Variants in RYR2 observed in about 807,000 individuals in gnomAD.
The protein encoded by RYR2 is cardiac muscle ryanodine receptor-calcium release channel.
In RYR2, 227 loss-of-function variants were observed where a neutral mutation model predicts 601.1. That is an observed-to-expected ratio of 0.38 (90% CI 0.34 to 0.42). RYR2 has a LOEUF of 0.42. RYR2 is among the 10% of genes least tolerant of loss of function. RYR2 has a pLI of 1.00. For synonymous variants in RYR2, 2,223 were observed against 2,175.1 expected (o/e 1.02, Z -0.61); for missense variants, 4,646 against 6,156.5 (o/e 0.75, Z 8.21).
At position 237,781,656 on chromosome 1, in the gene RYR2, AT is replaced by A. The variant is rs1338516518; in HGVS notation, c.11962+13del. 6.2e-6 allele frequency: 9 copies of A among 1,449,312 alleles called. No individual in the cohort carries two copies. The highest frequency in any genetic ancestry group is 8.6e-6 in the Non-Finnish European group (9 of 1,045,024). 89.8% of individuals were successfully genotyped at this position (1,449,312 alleles called of 1,614,324 possible). On this transcript the variant is annotated intron_variant, in intron 89 of 104. Coordinates refer to ENST00000366574, the MANE Select transcript of RYR2 (RefSeq NM_001035.3). ...CTGTCCATGTTAGAAGGTAGTTTTG[AT>A]TTATACTTTTAAATTCTCTTTATTA...
At chr1:237,566,841 T>C in intron 28 of RYR2, 66 bp downstream of exon 28, 1 of 1,507,110 alleles carries the variant, frequency 6.6e-7, no homozygotes, top group South Asian at 1.1e-5. Context: ...CTGCTGTTCC[T>C]CTTGGTAGCT....
At chr1:237,151,254 C>T (rs919358793) in intron 1 of RYR2, among the ~76,000 whole-genome samples, 5 of 152,092 alleles carry the variant, frequency 3.3e-5, no homozygotes, top group South Asian at 2.1e-4. Context: ...ATGCTTCTCC[C>T]GAAGGGCATT....
chr1:237,320,917 C>CTG (rs758838364), intron 2 of RYR2, among the ~76,000 whole-genome samples: 17 of 150,504 alleles, frequency 1.1e-4, no homozygotes, highest in Admixed American at 2.0e-4. Flanking sequence ...TCCATTCTCT[C>CTG]TGTGTGTGTG....
chr1:237,663,531 G>A (rs1334300437), intron 56 of RYR2, among the ~76,000 whole-genome samples: 1 of 152,270 alleles, frequency 6.6e-6, no homozygotes, highest in East Asian at 1.9e-4. Context: ...TGACATTCTG[G>A]TCTCACCCAT....
chr1:237,371,326 T>G (rs1481585974), intron 6 of RYR2, among the ~76,000 whole-genome samples: 1 of 152,114 alleles, frequency 6.6e-6, no homozygotes, highest in East Asian at 1.9e-4. Context: ...TGGCTAATTT[T>G]TAAATTTATT....
At chr1:237,177,439 A>G (rs1678179165) in intron 1 of RYR2, among the ~76,000 whole-genome samples, 1 of 152,160 alleles carries the variant, frequency 6.6e-6, no homozygotes, top group South Asian at 2.1e-4. Context: ...CCAACTGATA[A>G]TTCCTATCCT....
In RYR2 at chr1:237,759,909, A is replaced by G. The variant is rs944607094; in HGVS notation, c.11402+57A>G. 7.3e-5 allele frequency: 80 copies of G among 1,096,210 alleles called. 1 individual carries two copies. The South Asian group carries it at 1.0e-3, about 14-fold the overall frequency. 67.9% of individuals were successfully genotyped at this position (1,096,210 alleles called of 1,614,324 possible). A position where few individuals can be genotyped will look rare whatever the true frequency, so the allele number is the denominator to read the frequency against. The stretch of plus-strand genomic sequence containing the variant: ...CTCAGTGGTTGTATTTTTTCGAAGC[A>G]TTTGTTTCTTACTCTGACGATAATT... On this transcript the variant is annotated intron_variant, in intron 83 of 104. Coordinates refer to ENST00000366574, the MANE Select transcript of RYR2 (RefSeq NM_001035.3).
chr1:237,595,938 T>C (rs1675849764), intron 34 of RYR2, among the ~76,000 whole-genome samples: 1 of 151,988 alleles, frequency 6.6e-6, no homozygotes, highest in Admixed American at 6.6e-5. Flanking sequence ...CAGATGCTGC[T>C]GACATAAATT....
chr1:237,539,090 A>G (rs1165703187), intron 25 of RYR2, among the ~76,000 whole-genome samples: 1 of 152,234 alleles, frequency 6.6e-6, no homozygotes, highest in African/African-American at 2.4e-5. Flanking sequence ...GATAAAAGTC[A>G]TAGATTAGAA....
chr1:237,182,036 A>G (rs1370611891), intron 1 of RYR2, among the ~76,000 whole-genome samples: 1 of 152,184 alleles, frequency 6.6e-6, no homozygotes, highest in East Asian at 1.9e-4. Flanking sequence ...AAACTATAAG[A>G]CATTTGCTAC....
chr1:237,324,191 G>A (rs930852354), intron 2 of RYR2, among the ~76,000 whole-genome samples: 3 of 152,120 alleles, frequency 2.0e-5, no homozygotes, highest in Non-Finnish European at 4.4e-5. Context: ...GAGTCAATGG[G>A]ATACAACACC....
intron 71 of RYR2, among the ~76,000 whole-genome samples, chr1:237,714,834 CA>C (rs1006572625): frequency 1.8e-4 from 27 of 146,444 alleles, no homozygotes; most frequent in Non-Finnish European, 2.9e-4. Context: ...ACTAAAAATA[CA>C]AAAAAAAAAT....
rs192483953 is a variant in RYR2 at position 237,528,091 on chromosome 1, G to A, written c.2823-2336G>A. On this transcript the variant is annotated intron_variant, in intron 24 of 104. Coordinates refer to ENST00000366574, the MANE Select transcript of RYR2 (RefSeq NM_001035.3). ...TATTTTATTTAATAATGGCCCCAAT[G>A]CACAAAATTAAAGATGCTGGCAATT... is the stretch of plus-strand genomic sequence containing the variant. Among the ~76,000 whole-genome samples, 70 of 152,144 alleles carry A rather than the reference G, an allele frequency of 4.6e-4. 1 individual carries two copies. The East Asian group carries it at 0.01, about 23-fold the overall frequency.
chr1:237,339,163 AC>A (rs1446382187), intron 3 of RYR2, among the ~76,000 whole-genome samples: 6 of 152,228 alleles, frequency 3.9e-5, no homozygotes, highest in African/African-American at 1.4e-4. Flanking sequence ...ATGTAGAGAT[AC>A]CTGCCACTGA....
At chr1:237,163,132 C>T (rs906240620) in intron 1 of RYR2, among the ~76,000 whole-genome samples, 1 of 152,148 alleles carries the variant, frequency 6.6e-6, no homozygotes, top group Non-Finnish European at 1.5e-5. Flanking sequence ...AAATATACAA[C>T]CACTCCGGTC....
In RYR2 at chr1:237,614,635, A is replaced by G. The variant is rs1678261343; in HGVS notation, c.5507A>G (p.Asn1836Ser). 1.9e-6 allele frequency: 3 copies of G among 1,613,986 alleles called. No homozygotes were observed. Among genetic ancestry groups the G allele is most frequent in the Non-Finnish European group, 2.5e-6 (3 of 1,179,882 alleles). The change falls in exon 37 of 105, where the codon AAC becomes AGC. Residue 1836 changes from asparagine (N) to serine (S), a missense_variant. Asn to Ser is a conservative substitution (Grantham distance 46). This residue lies in a region of RYR2 where 1,807 missense variants were observed against 2,088.1 expected (regional missense o/e 0.87). Coordinates refer to ENST00000366574, the MANE Select transcript of RYR2 (RefSeq NM_001035.3). This position sits in a 1 kb window ranked among gnomAD's most constrained non-coding sequence, Gnocchi z 4.3. ...YTLLIMGIFH[N>S]EDLKHILQLI... ...CTGCTGATCATGGGCATCTTTCACA[A>G]CGAGGACTTGAAGCACATCTTGCAG...
intron 76 of RYR2, 146 bp downstream of exon 76, chr1:237,727,345 A>G (rs1440009927): frequency 7.0e-6 from 3 of 429,690 alleles, no homozygotes; most frequent in Admixed American, 8.3e-5. Flanking sequence ...AAACTTGACT[A>G]ATTTTGTTGG....
Position 237,819,852 on chromosome 1 carries a change from C to A in RYR2, c.14590+660C>A, listed in dbSNP as rs754931372. Among the ~76,000 whole-genome samples, 30 of 151,982 alleles carry A rather than the reference C, an allele frequency of 2.0e-4. No homozygotes were observed. Among genetic ancestry groups the A allele is most frequent in the Non-Finnish European group, 2.5e-4 (17 of 67,954 alleles). On this transcript the variant is annotated intron_variant, in intron 101 of 104. Coordinates refer to ENST00000366574, the MANE Select transcript of RYR2 (RefSeq NM_001035.3). This position sits in a 1 kb window ranked among gnomAD's most constrained non-coding sequence, Gnocchi z 4.0. ...CACTCAAACCCAACAACAACAACAA[C>A]AACAAAAACTTCTAAGCCCTGTGGT...
intron 1 of RYR2, among the ~76,000 whole-genome samples, chr1:237,080,766 C>A (rs1166936753): frequency 5.5e-5 from 5 of 90,150 alleles, no homozygotes; most frequent in South Asian, 4.7e-4. Flanking sequence ...TTGACCCAGC[C>A]ATCCCATTAC....
Sources: allele counts gnomAD v4.1 joint callset (sites outside exome capture counted in the v4.1 genomes callset), GRCh38; gene constraint gnomAD v4.1.1; regional missense constraint gnomAD v4.1.1; non-coding constraint Gnocchi (gnomAD v3.1); transcripts MANE v1.5; gene names NCBI Gene and HGNC (gene_info 2026-07-23, HGNC 2026-07-21).